The following INTS6 variants were observed in gnomAD, a reference collection of about 807,000 sequenced individuals.
The protein encoded by INTS6 is DEAD box protein.
INTS6 carries 16 observed loss-of-function variants against 104.9 expected under a neutral mutation model. The observed-to-expected ratio is 0.15, with a 90% confidence interval of 0.10 to 0.23. The LOEUF (loss-of-function observed/expected upper bound fraction) is 0.23, where lower values mean the gene tolerates loss of function less well. Among genes scored for constraint, INTS6 ranks in the 10% least tolerant of loss-of-function variants. INTS6 has a pLI of 1.00. For missense variants in INTS6, 584 were observed against 1,062.8 expected, an observed-to-expected ratio of 0.55 and a Z score of 6.26; for synonymous variants, 324 against 358.7, an observed-to-expected ratio of 0.90 and a Z score of 1.09.
Position 51,369,049 on chromosome 13 carries a change from G to C in INTS6, c.2366C>G (p.Pro789Arg). Residue 789 changes from proline to arginine, a missense_variant, in exon 16 of 18, where the codon CCA becomes CGA. Physicochemically the swap from Pro to Arg is moderately radical, Grantham distance 103. Around this residue, in one of 5 missense-constraint regions of INTS6, gnomAD observed 296 missense variants for 437.0 expected, o/e 0.68. Coordinates refer to ENST00000311234, the MANE Select transcript of INTS6 (RefSeq NM_012141.3). ...DKEQCAEENI[P>R]ASSLNKGKKL... is the part of the protein sequence containing the mutation. ...CTTTCCTTTGTTGAGTGAAGATGCT[G>C]GTATGTTCTCTTCAGCACATTGTTC... 1 of 1,613,724 alleles carries C rather than the reference G, an allele frequency of 6.2e-7. No individual in the cohort carries two copies. The highest frequency in any genetic ancestry group is 8.5e-7 in the Non-Finnish European group (1 of 1,179,802).
At chr13:51,445,445 C>T (rs1193438009) in intron 3 of INTS6, 2 of 151,966 alleles carry the variant, frequency 1.3e-5, no homozygotes, top group Non-Finnish European at 2.9e-5. Context: ...AAATAGAAAA[C>T]TAGAGGTAAA....
chr13:51,396,612 A>T (rs1956342983), intron 4 of INTS6, among the ~76,000 whole-genome samples: 1 of 152,152 alleles, frequency 6.6e-6, no homozygotes, highest in Admixed American at 6.5e-5. Context: ...ATTCTTACCA[A>T]AAAAAAGAGG....
the INTS6 span, chr13:51,348,548 A>T: frequency 1.5e-6 from 1 of 664,264 alleles, no homozygotes; most frequent in East Asian, 2.8e-5. Flanking sequence ...CCCAGAAGTT[A>T]GACCAAGAGG....
intron 3 of INTS6, among the ~76,000 whole-genome samples, chr13:51,433,673 C>G (rs775403636): frequency 6.6e-6 from 1 of 152,136 alleles, no homozygotes; most frequent in African/African-American, 2.4e-5. Flanking sequence ...TATATTAAAA[C>G]TTAACAGAAA....
the INTS6 span, among the ~76,000 whole-genome samples, chr13:51,348,004 G>T: frequency 4.6e-5 from 7 of 152,092 alleles, no homozygotes; most frequent in Non-Finnish European, 4.4e-5. Flanking sequence ...CTGGTCCTGT[G>T]AGGGTATCTT....
At chr13:51,422,720 T>C (rs1039888564) in intron 4 of INTS6, among the ~76,000 whole-genome samples, 1 of 152,072 alleles carries the variant, frequency 6.6e-6, no homozygotes, top group East Asian at 1.9e-4. Flanking sequence ...TTCAATACCT[T>C]CCCTGCAAAT....
chr13:51,410,280 T>C (rs188332255), intron 4 of INTS6, among the ~76,000 whole-genome samples: 5 of 152,238 alleles, frequency 3.3e-5, no homozygotes, highest in East Asian at 1.9e-4. Flanking sequence ...ACAAAGCAAT[T>C]TGGATAAAAA....
At chr13:51,387,573 A>G (rs999568491) in intron 6 of INTS6, 33 bp from the exon 7 acceptor site, 12 of 1,566,872 alleles carry the variant, frequency 7.7e-6, no homozygotes, top group African/African-American at 1.4e-5. Context: ...AAGAAAGCAT[A>G]TATCATAAGG....
intron 4 of INTS6, among the ~76,000 whole-genome samples, chr13:51,419,919 A>G (rs968984074): frequency 6.6e-6 from 1 of 152,204 alleles, no homozygotes; most frequent in South Asian, 2.1e-4. Context: ...ATAGCCCACC[A>G]ACCAAATCCA....
At chr13:51,357,108 A>G (rs1012158364), downstream of INTS6, among the ~76,000 whole-genome samples, 3 of 152,200 alleles carry the variant, frequency 2.0e-5, no homozygotes, top group Admixed American at 2.0e-4. Flanking sequence ...TAGTTGAGAC[A>G]GACACCATAT....
chr13:51,430,017 T>C (rs995855639), intron 4 of INTS6, among the ~76,000 whole-genome samples: 14 of 151,914 alleles, frequency 9.2e-5, no homozygotes, highest in Admixed American at 5.2e-4. Context: ...GAATTCATTT[T>C]ACTATTTATG....
At chr13:51,358,817 T>C (rs934718443), downstream of INTS6, among the ~76,000 whole-genome samples, 2 of 152,062 alleles carry the variant, frequency 1.3e-5, no homozygotes, top group Non-Finnish European at 2.9e-5. Context: ...CTTTGCTTTG[T>C]ATATAGAATG....
intron 4 of INTS6, among the ~76,000 whole-genome samples, chr13:51,418,371 GA>G (rs199960245): frequency 0.015 from 2,120 of 143,828 alleles, 34 homozygotes; most frequent in East Asian, 0.072. Flanking sequence ...ATATTTCCTT[GA>G]AAAAAAAAAA....
At chr13:51,449,906 C>G in intron 3 of INTS6, 1 of 985,158 alleles carries the variant, frequency 1.0e-6, no homozygotes, top group Non-Finnish European at 1.2e-6. Context: ...GGTAAGCTCA[C>G]TCTGAATTTC....
At chr13:51,431,246 G>A (rs1001651938) in intron 3 of INTS6, among the ~76,000 whole-genome samples, 1 of 152,152 alleles carries the variant, frequency 6.6e-6, no homozygotes, top group Non-Finnish European at 1.5e-5. Flanking sequence ...TTTCAAGAGG[G>A]TAAACCTTGT....
chr13:51,344,937 A>G, the INTS6 span, among the ~76,000 whole-genome samples: 1 of 152,196 alleles, frequency 6.6e-6, no homozygotes, highest in South Asian at 2.1e-4. Context: ...GTTACACACA[A>G]TAAGATGTTT....
intron 3 of INTS6, chr13:51,355,176 C>T (rs563569446): frequency 1.5e-5 from 16 of 1,101,960 alleles, no homozygotes; most frequent in Middle Eastern, 2.0e-4. Flanking sequence ...ACGTTCTAGC[C>T]GTGTATTTGG....
At chr13:51,449,274 A>G (rs1952986521) in intron 3 of INTS6, 1 of 155,184 alleles carries the variant, frequency 6.4e-6, no homozygotes, top group African/African-American at 2.4e-5. Context: ...AAATCCTGAC[A>G]TGCAAAAACA....
chr13:51,396,112 T>C (rs541068057), intron 4 of INTS6, among the ~76,000 whole-genome samples: 1 of 152,178 alleles, frequency 6.6e-6, no homozygotes, highest in East Asian at 1.9e-4. Context: ...ATTTTCTAAA[T>C]GTAAAAAAAA....
Sources: gnomAD v4.1 joint callset for allele counts (sites outside exome capture counted in the v4.1 genomes callset) on GRCh38, gnomAD v4.1.1 for gene constraint, gnomAD v4.1.1 regional missense constraint, MANE v1.5 for transcripts, NCBI Gene and HGNC (gene_info 2026-07-23, HGNC 2026-07-21) for gene names.